The following THSD7A variants were observed in gnomAD, a reference collection of about 807,000 sequenced individuals.
THSD7A encodes thrombospondin type 1 domain containing 7A.
A neutral mutation model predicts 231.3 loss-of-function variants in THSD7A; 96 were observed. The ratio of observed to expected loss-of-function variants is 0.41; its 90% confidence interval spans 0.35 to 0.49. The LOEUF (loss-of-function observed/expected upper bound fraction) is 0.49. Ranked by LOEUF, THSD7A falls within the 20% of genes least tolerant of loss-of-function variation. THSD7A has a pLI of 0.05. For synonymous variants in THSD7A, 940 were observed against 743.3 expected (o/e 1.26, Z -4.30); for missense variants, 2,290 against 2,070.2 (o/e 1.11, Z -2.06).
intron 7 of THSD7A, among the ~76,000 whole-genome samples, chr7:11,481,406 A>T (rs1786418405): frequency 1.3e-5 from 2 of 152,162 alleles, no homozygotes; most frequent in Admixed American, 6.5e-5. Context: ...ATGAGAAGGT[A>T]GAATATGATT....
At position 11,412,707 on chromosome 7, in the gene THSD7A, CT is replaced by C; in HGVS notation, c.3630del (p.Glu1211AsnfsTer5). 1 of 1,613,802 alleles carries C rather than the reference CT, an allele frequency of 6.2e-7. No homozygotes were observed. Among genetic ancestry groups the C allele is most frequent in the East Asian group, 2.2e-5 (1 of 44,864 alleles). On this transcript the variant is annotated frameshift_variant, in exon 18 of 28. Transcript: ENST00000423059. LOFTEE classifies it high-confidence loss of function. ...CAGTTTTTGTTCAGGTTACAGGGTTCTTTCTCAACAGCATTAGGGCAAGATC... is the reference window on the plus strand; with the variant it reads ...CAGTTTTTGTTCAGGTTACAGGGTTCTTCTCAACAGCATTAGGGCAAGATC... ...EGRSCPNAVEKEPCNLNKNCY... is the reference protein window; with the variant it reads ...EGRSCPNAVEXEPCNLNKNCY...
intron 6 of THSD7A, among the ~76,000 whole-genome samples, chr7:11,507,739 G>A (rs1377240346): frequency 1.3e-5 from 2 of 151,878 alleles, no homozygotes; most frequent in South Asian, 2.1e-4. Context: ...ATATACAGTG[G>A]AAGAAATATT....
chr7:11,820,798 C>T (rs1014774937), intron 1 of THSD7A: 9 of 1,118,076 alleles, frequency 8.0e-6, no homozygotes, highest in Admixed American at 5.1e-5. Context: ...AGGATCTGGA[C>T]GTGCCTCTCG....
chr7:11,515,574 T>C (rs1335131098), intron 6 of THSD7A, among the ~76,000 whole-genome samples: 1 of 152,174 alleles, frequency 6.6e-6, no homozygotes, highest in East Asian at 1.9e-4. Context: ...AATAACTCAT[T>C]GCATCTAGCT....
At chr7:11,750,037 A>C (rs1360567800) in intron 1 of THSD7A, among the ~76,000 whole-genome samples, 1 of 140,676 alleles carries the variant, frequency 7.1e-6, no homozygotes, top group Admixed American at 7.0e-5. Flanking sequence ...TTTTTTTTTG[A>C]GTATGAGACA....
intron 2 of THSD7A, among the ~76,000 whole-genome samples, chr7:11,612,398 A>C (rs540346692): frequency 5.9e-4 from 90 of 152,342 alleles, no homozygotes; most frequent in Non-Finnish European, 9.3e-4. Context: ...AGTTCTCGTC[A>C]AAGAAGTCAT....
chr7:11,676,724 G>T (rs905102970), intron 1 of THSD7A, among the ~76,000 whole-genome samples: 2 of 152,114 alleles, frequency 1.3e-5, no homozygotes, highest in East Asian at 1.9e-4. Context: ...AGAGAGAAAA[G>T]AATGAAAAGG....
At chr7:11,515,604 C>G (rs1447388670) in intron 6 of THSD7A, among the ~76,000 whole-genome samples, 1 of 152,060 alleles carries the variant, frequency 6.6e-6, no homozygotes, top group African/African-American at 2.4e-5. Flanking sequence ...ACCAAACACA[C>G]AGCTATTGTC....
intron 4 of THSD7A, among the ~76,000 whole-genome samples, chr7:11,560,970 C>G (rs1034741): frequency 1.3e-5 from 2 of 152,032 alleles, no homozygotes; most frequent in African/African-American, 4.8e-5. Context: ...AAGTACTTAA[C>G]AGATACTAAG....
intron 1 of THSD7A, among the ~76,000 whole-genome samples, chr7:11,743,083 A>ATTATTGGC (rs952873319): frequency 2.6e-5 from 4 of 151,910 alleles, no homozygotes; most frequent in African/African-American, 9.7e-5. Flanking sequence ...TATACTACTT[A>ATTATTGGC]TTATTGGCTT....
intron 4 of THSD7A, among the ~76,000 whole-genome samples, chr7:11,556,968 C>A (rs1190794404): frequency 6.6e-6 from 1 of 152,000 alleles, no homozygotes; most frequent in African/African-American, 2.4e-5. Context: ...TGGAATTCAT[C>A]CAGCTTCTTG....
Position 11,379,210 on chromosome 7 carries a change from G to A in THSD7A, c.4661C>T (p.Thr1554Ile). The change falls in exon 26 of 28, where the codon ACA (threonine) becomes ATA (isoleucine). Residue 1554 changes from threonine (T) to isoleucine (I), a missense_variant. Transcript: ENST00000423059. ...GGGTAATACCACCACGGGGATAAGTGTGCATTGCTCAAGGGTGCTGTTAGA... is the reference window on the plus strand; with the variant it reads ...GGGTAATACCACCACGGGGATAAGTATGCATTGCTCAAGGGTGCTGTTAGA... ...MSSNSTLEQC[T>I]LIPVVVLPTM... 1 of 1,613,636 alleles carries A rather than the reference G, an allele frequency of 6.2e-7. No homozygotes were observed. Among genetic ancestry groups the A allele is most frequent in the Non-Finnish European group, 8.5e-7 (1 of 1,179,664 alleles).
intron 1 of THSD7A, among the ~76,000 whole-genome samples, chr7:11,816,526 G>T: frequency 6.6e-6 from 1 of 152,166 alleles, no homozygotes; most frequent in East Asian, 1.9e-4. Context: ...AAGCATTGCA[G>T]TTTGAAAACA....
intron 1 of THSD7A, among the ~76,000 whole-genome samples, chr7:11,810,988 C>T (rs892783927): frequency 2.6e-5 from 4 of 152,128 alleles, no homozygotes; most frequent in African/African-American, 9.6e-5. Flanking sequence ...TGTTCTGTTA[C>T]AGCAATACAT....
chr7:11,423,496 G>A (rs1784220412), intron 16 of THSD7A, among the ~76,000 whole-genome samples: 1 of 151,652 alleles, frequency 6.6e-6, no homozygotes, highest in South Asian at 2.1e-4. Context: ...AGCCTCCCGA[G>A]TAGCTGGGAC....
At chr7:11,786,632 G>T (rs150930012) in intron 1 of THSD7A, among the ~76,000 whole-genome samples, 3 of 143,786 alleles carry the variant, frequency 2.1e-5, no homozygotes, top group Admixed American at 2.0e-4. Context: ...ACTTCTTAAC[G>T]GAATAATAAA....
At chr7:11,607,618 A>G (rs1022796158) in intron 2 of THSD7A, among the ~76,000 whole-genome samples, 3 of 151,900 alleles carry the variant, frequency 2.0e-5, no homozygotes, top group African/African-American at 7.3e-5. Context: ...ATTTCTTATA[A>G]TTATTTATTT....
At chr7:11,507,563 C>T (rs1787604471) in intron 6 of THSD7A, among the ~76,000 whole-genome samples, 1 of 147,644 alleles carries the variant, frequency 6.8e-6, no homozygotes, top group Non-Finnish European at 1.5e-5. Flanking sequence ...ATTTTTATTG[C>T]TCTACAAGTT....
At chr7:11,679,470 C>A (rs1388159528) in intron 1 of THSD7A, among the ~76,000 whole-genome samples, 1 of 152,146 alleles carries the variant, frequency 6.6e-6, no homozygotes, top group Non-Finnish European at 1.5e-5. Flanking sequence ...AGCCTAAAAT[C>A]TTTTTAAGCT....
Sources: gnomAD v4.1 joint callset for allele counts (sites outside exome capture counted in the v4.1 genomes callset) on GRCh38, gnomAD v4.1.1 for gene constraint, MANE v1.5 for transcripts, NCBI Gene and HGNC (gene_info 2026-07-23, HGNC 2026-07-21) for gene names.